DOT1L: variants seen among roughly 807,000 people sequenced by gnomAD.
The protein encoded by DOT1L is DOT1 like histone lysine methyltransferase.
A neutral mutation model predicts 153.3 loss-of-function variants in DOT1L; 33 were observed. That is an observed-to-expected ratio of 0.22 (90% CI 0.16 to 0.29). The LOEUF is 0.29. DOT1L is among the 10% of genes least tolerant of loss of function. DOT1L has a pLI of 1.00. For missense variants in DOT1L, 1,847 were observed against 2,119.9 expected, an observed-to-expected ratio of 0.87 and a Z score of 2.53; for synonymous variants, 1,135 against 965.1, an observed-to-expected ratio of 1.18 and a Z score of -3.26.
At chr19:2,186,028 G>A in intron 3 of DOT1L, 99 bp downstream of exon 3, 1 of 1,137,942 alleles carries the variant, frequency 8.8e-7, no homozygotes, top group Admixed American at 2.0e-5. Context: ...CTTAGATGGT[G>A]CAAGCTGATC....
At position 2,230,502 on chromosome 19, in the gene DOT1L, ACGGCG is replaced by A. The variant is rs2024554336; in HGVS notation, c.*714_*718del. The A allele has an allele frequency of 7.5e-6, 3 of 398,744 alleles. No homozygotes were observed. Among genetic ancestry groups the A allele is most frequent in the African/African-American group, 6.2e-5 (3 of 48,732 alleles). 24.7% of individuals were successfully genotyped at this position (398,744 alleles called of 1,614,324 possible). ...TGTGCTGCGCGATGGTGCTGTGAGGACGGCGCGGGCACGTTGAACAAGTGCATTTA... is the reference window on the plus strand; with the variant it reads ...TGTGCTGCGCGATGGTGCTGTGAGGACGGGCACGTTGAACAAGTGCATTTA... On this transcript the variant is annotated 3_prime_UTR_variant, in exon 28 of 28. Coordinates refer to ENST00000398665, the MANE Select transcript of DOT1L (RefSeq NM_032482.3).
At chr19:2,187,861 G>A (rs183243096) in intron 3 of DOT1L, among the ~76,000 whole-genome samples, 31 of 151,074 alleles carry the variant, frequency 2.1e-4, no homozygotes, top group Admixed American at 9.9e-4. Context: ...GGCGGAGCTT[G>A]CAGTGAGCTG....
At chr19:2,172,121 C>T (rs1193082998) in intron 1 of DOT1L, among the ~76,000 whole-genome samples, 1 of 152,074 alleles carries the variant, frequency 6.6e-6, no homozygotes, top group Non-Finnish European at 1.5e-5. Context: ...GCTCTCTGGG[C>T]CTGTGGAGTT....
intron 2 of DOT1L, among the ~76,000 whole-genome samples, chr19:2,182,875 T>G (rs191107730): frequency 2.0e-3 from 297 of 152,242 alleles, no homozygotes; most frequent in Middle Eastern, 3.4e-3. Flanking sequence ...CTTGTGTGTT[T>G]TCTGGGGAGC....
intron 23 of DOT1L, chr19:2,221,502 A>AC (rs1224372892): frequency 6.8e-5 from 11 of 162,684 alleles, no homozygotes; most frequent in Non-Finnish European, 1.5e-4. Context: ...ATGGAAGTGC[A>AC]CCACTCATCG....
intron 27 of DOT1L, chr19:2,229,447 C>A (rs770997669): frequency 1.0e-6 from 1 of 985,434 alleles, no homozygotes; most frequent in Middle Eastern, 5.2e-4. Context: ...GTCAGCCTGG[C>A]GGGTCAATGC....
At chr19:2,187,928 A>AG in intron 3 of DOT1L, among the ~76,000 whole-genome samples, 1 of 150,166 alleles carries the variant, frequency 6.7e-6, no homozygotes, top group East Asian at 2.0e-4. Flanking sequence ...TCTCAGAAAA[A>AG]AAAAAAAAAA....
Position 2,216,301 on chromosome 19 carries a change from G to T in DOT1L, c.1944G>T (p.Glu648Asp). Residue 648 changes from glutamate (E) to aspartate (D), a missense_variant, in exon 20 of 28, where the codon GAG becomes GAT. Coordinates refer to ENST00000398665, the MANE Select transcript of DOT1L (RefSeq NM_032482.3). ...LELQISIVEL[E>D]KSQRQQELLQ... ...TGCAGATCAGCATTGTGGAGCTAGA[G>T]AAGAGCCAGCGGCAGCAGGAGCTCC... 6.3e-7 allele frequency: 1 copy of T among 1,586,838 alleles called. No individual in the cohort carries two copies. Among genetic ancestry groups the T allele is most frequent in the South Asian group, 1.1e-5 (1 of 88,460 alleles).
At chr19:2,221,779 GT>G (rs1324492774) in intron 23 of DOT1L, 196 bp from the exon 24 acceptor site, 1 of 602,112 alleles carries the variant, frequency 1.7e-6, no homozygotes, top group East Asian at 2.8e-5. Flanking sequence ...GAGGCACAGG[GT>G]CAGCCCTGAG....
At chr19:2,213,687 G>T (rs753973783) in intron 17 of DOT1L, 47 bp downstream of exon 17, 1 of 1,609,450 alleles carries the variant, frequency 6.2e-7, no homozygotes, top group African/African-American at 1.3e-5. Context: ...TGGGGCGCAG[G>T]CTGGGGTGGT....
At position 2,227,087 on chromosome 19, in the gene DOT1L, C is replaced by T. The variant is rs775805714; in HGVS notation, c.4566C>T (p.Ala1522=). The change falls in exon 27 of 28, where the codon GCC becomes GCT. Residue 1522 remains alanine (A), a synonymous_variant. Coordinates refer to ENST00000398665, the MANE Select transcript of DOT1L (RefSeq NM_032482.3). The part of the protein sequence containing the change: ...SAATRLTNSH[A]MGSFSGVAGG... ...CCACCAGACTGACCAACTCGCACGCCATGGGCAGCTTTTCCGGGGTGGCAG... is the reference window on the plus strand; with the variant it reads ...CCACCAGACTGACCAACTCGCACGCTATGGGCAGCTTTTCCGGGGTGGCAG... The T allele has an allele frequency of 2.4e-5, 37 of 1,563,398 alleles. No homozygotes were observed. Among genetic ancestry groups the T allele is most frequent in the Non-Finnish European group, 4.3e-6 (5 of 1,160,782 alleles).
chr19:2,170,931 A>T (rs1250216060), intron 1 of DOT1L, among the ~76,000 whole-genome samples: 1 of 151,896 alleles, frequency 6.6e-6, no homozygotes, highest in East Asian at 1.9e-4. Flanking sequence ...TCCCCCTCCA[A>T]GAGTCTCCCA....
Position 2,210,390 on chromosome 19 carries a change from C to T in DOT1L, c.1006-10C>T. On this transcript the variant is annotated splice_polypyrimidine_tract_variant and intron_variant, in intron 12 of 27. Coordinates refer to ENST00000398665, the MANE Select transcript of DOT1L (RefSeq NM_032482.3). ...GGGGCTTCCTGTGGCTCAACCTGCT[C>T]TCCTTCCAGGAGGAACAGGAGGCAG... 6.6e-7 allele frequency: 1 copy of T among 1,521,130 alleles called. No homozygotes were observed. The highest frequency in any genetic ancestry group is 8.8e-7 in the Non-Finnish European group (1 of 1,135,942). The allele number at this position is 1,521,130 out of a possible 1,614,324, so 94.2% of individuals were successfully genotyped here. A position where few individuals can be genotyped will look rare whatever the true frequency, so the allele number is the denominator to read the frequency against.
intron 7 of DOT1L, among the ~76,000 whole-genome samples, chr19:2,198,864 G>C (rs559283518): frequency 6.6e-6 from 1 of 152,302 alleles, no homozygotes; most frequent in South Asian, 2.1e-4. Flanking sequence ...AGGTGCATCC[G>C]CGATGTGGCC....
intron 7 of DOT1L, among the ~76,000 whole-genome samples, chr19:2,199,168 T>A (rs1268957895): frequency 6.6e-6 from 1 of 152,246 alleles, no homozygotes; most frequent in Non-Finnish European, 1.5e-5. Context: ...TGTTTTCTCC[T>A]GGACGGTGCC....
At chr19:2,227,874 C>T (rs1045706157) in intron 27 of DOT1L, 1 of 1,277,476 alleles carries the variant, frequency 7.8e-7, no homozygotes, top group Non-Finnish European at 1.0e-6. Flanking sequence ...CTCTTCCTTT[C>T]AGGCCCCGGC....
chr19:2,186,670 C>T (rs1168305883), intron 3 of DOT1L, among the ~76,000 whole-genome samples: 1 of 152,220 alleles, frequency 6.6e-6, no homozygotes, highest in African/African-American at 2.4e-5. Flanking sequence ...GCGGTCTCAG[C>T]CTCAGTAAAC....
At chr19:2,189,029 G>A (rs926286052) in intron 3 of DOT1L, among the ~76,000 whole-genome samples, 29 of 152,348 alleles carry the variant, frequency 1.9e-4, no homozygotes, top group Admixed American at 1.5e-3. Context: ...TTTGCCTTGC[G>A]GCCAGGGCAA....
intron 26 of DOT1L, among the ~76,000 whole-genome samples, chr19:2,225,756 T>A (rs903593150): frequency 6.6e-6 from 1 of 152,160 alleles, no homozygotes; most frequent in African/African-American, 2.4e-5. Flanking sequence ...GTCCCCTGTT[T>A]GCTTTGCACC....
Sources: allele counts gnomAD v4.1 joint callset (sites outside exome capture counted in the v4.1 genomes callset), GRCh38; gene constraint gnomAD v4.1.1; transcripts MANE v1.5; gene names NCBI Gene and HGNC (gene_info 2026-07-23, HGNC 2026-07-21).